MAST2: variants seen among roughly 807,000 people sequenced by gnomAD.
The protein encoded by MAST2 is microtubule associated serine/threonine kinase 2.
Under a neutral mutation model 147.4 loss-of-function variants are expected in MAST2, and 70 were observed. The observed-to-expected ratio is 0.47, with a 90% confidence interval of 0.39 to 0.58. The LOEUF (loss-of-function observed/expected upper bound fraction) is 0.58, where lower values mean the gene tolerates loss of function less well. Ranked by LOEUF, MAST2 falls within the 20% of genes least tolerant of loss-of-function variation. The probability of loss-of-function intolerance (pLI) is 0.00; values close to 1 mark genes in which losing one functional copy is unlikely to be tolerated. For synonymous variants in MAST2, 869 were observed against 896.8 expected (o/e 0.97, Z 0.55); for missense variants, 2,080 against 2,302.3 (o/e 0.90, Z 1.98).
At chr1:45,908,790 CT>C (rs1651191295) in intron 4 of MAST2, among the ~76,000 whole-genome samples, 3 of 152,128 alleles carry the variant, frequency 2.0e-5, no homozygotes, top group Admixed American at 2.0e-4. Context: ...CTACTGTGCT[CT>C]GCTTGAACTC....
In MAST2 at chr1:45,824,552, G is replaced by T. The variant is rs1199383698; in HGVS notation, c.297G>T (p.Trp99Cys). 33 of 1,606,758 alleles carry T rather than the reference G, an allele frequency of 2.1e-5. No homozygotes were observed. The highest frequency in any genetic ancestry group is 1.7e-4 in the Middle Eastern group (1 of 6,024). The change falls in exon 2 of 29, where the codon TGG (tryptophan) becomes TGT (cysteine). Residue 99 changes from tryptophan (W) to cysteine (C), a missense_variant. Transcript: ENST00000361297. ...RQLSQDDCKL[W>C]RGNLASSLSG... ...TGAGTCAGGATGATTGTAAGTTATG[G>T]AGAGGAAACCTGGCCAGCTCTCTAT... is the stretch of plus-strand genomic sequence containing the variant.
intron 1 of MAST2, among the ~76,000 whole-genome samples, chr1:45,807,077 T>C (rs1043577486): frequency 2.6e-5 from 4 of 152,246 alleles, no homozygotes; most frequent in Non-Finnish European, 5.9e-5. Context: ...GAGAGAAATA[T>C]GTAAAAGTCC....
At chr1:45,936,091 T>C (rs1467219679) in intron 4 of MAST2, among the ~76,000 whole-genome samples, 1 of 152,202 alleles carries the variant, frequency 6.6e-6, no homozygotes, top group African/African-American at 2.4e-5. Context: ...TTTTAATTCT[T>C]GTTGTAGAGA....
intron 4 of MAST2, among the ~76,000 whole-genome samples, chr1:45,902,619 T>A (rs1014334227): frequency 6.6e-6 from 1 of 152,076 alleles, no homozygotes; most frequent in Non-Finnish European, 1.5e-5. Flanking sequence ...GGGCTTTTTT[T>A]TTTGGTTCGT....
At chr1:46,030,369 G>C (rs1646599077) in intron 21 of MAST2, 131 bp downstream of exon 21, 3 of 949,118 alleles carry the variant, frequency 3.2e-6, no homozygotes, top group Middle Eastern at 3.3e-4. Context: ...GAGGAGCTAA[G>C]GGTTGGGGCT....
At chr1:45,882,516 C>T (rs1051917691) in intron 4 of MAST2, 121 bp downstream of exon 4, 3 of 721,740 alleles carry the variant, frequency 4.2e-6, no homozygotes, top group Non-Finnish European at 6.8e-6. Context: ...CTGTGTACTC[C>T]TATCTGAGCT....
intron 3 of MAST2, among the ~76,000 whole-genome samples, chr1:45,867,259 G>A (rs1646193558): frequency 6.6e-6 from 1 of 152,168 alleles, no homozygotes; most frequent in Admixed American, 6.5e-5. Context: ...TGGTGGTACA[G>A]GTAATCTACT....
At chr1:45,859,182 C>T (rs1187609311) in intron 3 of MAST2, among the ~76,000 whole-genome samples, 1 of 152,138 alleles carries the variant, frequency 6.6e-6, no homozygotes, top group Non-Finnish European at 1.5e-5. Flanking sequence ...GCAACCTCCG[C>T]CTCCTGGGTT....
Position 46,031,140 on chromosome 1 carries a change from A to G in MAST2, c.2842A>G (p.Ser948Gly). 1 of 1,609,320 alleles carries G rather than the reference A, an allele frequency of 6.2e-7. No homozygotes were observed. The highest frequency in any genetic ancestry group is 8.5e-7 in the Non-Finnish European group (1 of 1,176,704). The change falls in exon 23 of 29, where the codon AGC (serine) becomes GGC (glycine). Residue 948 changes from serine (S) to glycine (G), a missense_variant. Coordinates refer to ENST00000361297, the MANE Select transcript of MAST2 (RefSeq NM_015112.3). This position sits in a 1 kb window ranked among gnomAD's most constrained non-coding sequence, Gnocchi z 4.1. Reference protein sequence around the residue: ...RFPEGPEEASSTLRRQPQEGI... With the variant: ...RFPEGPEEASGTLRRQPQEGI... ...CCCGGAGGGCCCTGAGGAGGCCAGC[A>G]GCACCCTCAGGAGGCAACCACAGGA...
At position 46,028,951 on chromosome 1, in the gene MAST2, G is replaced by A. The variant is rs371389324; in HGVS notation, c.2218+18G>A. ...GATCAGTGGTAGGTACTATGCCCCT[G>A]GCCCAGTGGGGAAACAGAGTCTGAA... On this transcript the variant is annotated intron_variant, in intron 18 of 28. Transcript: ENST00000361297. 2 of 1,536,560 alleles carry A rather than the reference G, an allele frequency of 1.3e-6. No individual in the cohort carries two copies.
chr1:45,841,237 G>C (rs78894545), intron 3 of MAST2, among the ~76,000 whole-genome samples: 8 of 152,066 alleles, frequency 5.3e-5, no homozygotes, highest in Admixed American at 5.2e-4. Flanking sequence ...TGGAATTACA[G>C]GGGTGAGCCA....
chr1:45,962,591 A>G (rs547005889), intron 5 of MAST2, among the ~76,000 whole-genome samples: 5 of 152,246 alleles, frequency 3.3e-5, no homozygotes, highest in Admixed American at 6.5e-5. Flanking sequence ...GTCTGTTCAT[A>G]TCCTTCGCCC....
At chr1:45,815,187 T>C (rs1050524930) in intron 1 of MAST2, among the ~76,000 whole-genome samples, 6 of 151,458 alleles carry the variant, frequency 4.0e-5, no homozygotes, top group Admixed American at 2.0e-4. Context: ...AGATCTTCTT[T>C]TTTTTTTTTT....
chr1:46,033,855 A>G lies in MAST2; in HGVS notation c.3591A>G (p.Lys1197=). ...CTCCCCTGGAGAACACATCCATTAA[A>G]GTGGGGCCAGCTCGGAAGGGCAGCT... ...STTPLENTSI[K]VGPARKGSYK... The change falls in exon 27 of 29, where the codon AAA becomes AAG. Residue 1197 remains lysine (K), a synonymous_variant. Transcript: ENST00000361297. The G allele has an allele frequency of 6.2e-7, 1 of 1,614,204 alleles. No individual in the cohort carries two copies. Among genetic ancestry groups the G allele is most frequent in the Non-Finnish European group, 8.5e-7 (1 of 1,180,020 alleles).
chr1:45,956,548 T>C (rs1273062133), intron 4 of MAST2, among the ~76,000 whole-genome samples: 1 of 152,232 alleles, frequency 6.6e-6, no homozygotes, highest in Non-Finnish European at 1.5e-5. Context: ...GAGCAACTAC[T>C]GCTGTTACTG....
chr1:46,009,447 C>T (rs1239533898), intron 9 of MAST2, among the ~76,000 whole-genome samples: 4 of 152,208 alleles, frequency 2.6e-5, no homozygotes, highest in African/African-American at 9.6e-5. Flanking sequence ...AGAGGGGATA[C>T]TGGACTGCAG....
intron 4 of MAST2, among the ~76,000 whole-genome samples, chr1:45,951,051 C>G (rs1036337983): frequency 5.5e-4 from 83 of 151,558 alleles, no homozygotes; most frequent in African/African-American, 1.9e-3. Flanking sequence ...AGTCTCATCT[C>G]TACTAAATTT....
At chr1:45,929,271 T>G (rs531944937) in intron 4 of MAST2, among the ~76,000 whole-genome samples, 1 of 152,332 alleles carries the variant, frequency 6.6e-6, no homozygotes, top group African/African-American at 2.4e-5. Flanking sequence ...TGACTCAGCT[T>G]AGACTCTTTC....
At chr1:45,850,617 G>A (rs1186172843) in intron 3 of MAST2, among the ~76,000 whole-genome samples, 1 of 152,048 alleles carries the variant, frequency 6.6e-6, no homozygotes, top group Admixed American at 6.6e-5. Flanking sequence ...TCCATCTTGA[G>A]TTAATTTTTG....
Sources: gnomAD v4.1 joint callset for allele counts (sites outside exome capture counted in the v4.1 genomes callset) on GRCh38, gnomAD v4.1.1 for gene constraint, Gnocchi (gnomAD v3.1) non-coding constraint, MANE v1.5 for transcripts, NCBI Gene and HGNC (gene_info 2026-07-23, HGNC 2026-07-21) for gene names.